DKK2: variants seen among roughly 807,000 people sequenced by gnomAD.
DKK2 encodes dickkopf Wnt signaling pathway inhibitor 2.
DKK2 carries 11 observed loss-of-function variants against 28.1 expected under a neutral mutation model. That is an observed-to-expected ratio of 0.39 (90% confidence interval 0.25 to 0.65). The LOEUF (loss-of-function observed/expected upper bound fraction) is 0.65, where lower values mean the gene tolerates loss of function less well. DKK2 is among the 30% of genes least tolerant of loss of function. The pLI is 0.47. For synonymous variants in DKK2, 135 were observed against 126.5 expected (o/e 1.07, Z -0.45); for missense variants, 326 against 335.5 (o/e 0.97, Z 0.22).
intron 1 of DKK2, among the ~76,000 whole-genome samples, chr4:106,956,909 A>C (rs1722602393): frequency 6.6e-6 from 1 of 151,180 alleles, no homozygotes; most frequent in African/African-American, 2.4e-5. Context: ...AATGGGATCT[A>C]ATTAAACTAA....
At chr4:106,964,612 A>C (rs1722740852) in intron 1 of DKK2, among the ~76,000 whole-genome samples, 1 of 152,186 alleles carries the variant, frequency 6.6e-6, no homozygotes, top group Admixed American at 6.6e-5. Flanking sequence ...TCAAAATATC[A>C]CATGTGCCCT....
In DKK2 at chr4:106,925,883, A is replaced by G; in HGVS notation, c.289T>C (p.Ser97Pro). The G allele has an allele frequency of 6.2e-7, 1 of 1,613,726 alleles. No individual in the cohort carries two copies. Among genetic ancestry groups the G allele is most frequent in the Non-Finnish European group, 8.5e-7 (1 of 1,179,872 alleles). Residue 97 changes from serine (S) to proline (P), a missense_variant, in exon 2 of 4, where the codon TCA becomes CCA. Transcript: ENST00000285311. ...GRYCHSPHQGSSACMVCRRKK... is the reference protein window; with the variant it reads ...GRYCHSPHQGPSACMVCRRKK... ...CTCCGACACACCATGCAGGCCGATG[A>G]TCCTTGGTGGGGACTGTGGCAATAC...
intron 1 of DKK2, among the ~76,000 whole-genome samples, chr4:106,960,152 A>T (rs1158555104): frequency 6.7e-6 from 1 of 150,096 alleles, no homozygotes; most frequent in Admixed American, 6.7e-5. Context: ...ATATATATAC[A>T]TATATACACA....
In DKK2 at chr4:107,035,605, G is replaced by T. The variant is rs956603017; in HGVS notation, c.-14C>A. The T allele has an allele frequency of 3.5e-5, 56 of 1,612,974 alleles. No individual in the cohort carries two copies. Among genetic ancestry groups the T allele is most frequent in the Non-Finnish European group, 4.3e-5 (51 of 1,179,832 alleles). On this transcript the variant is annotated 5_prime_UTR_variant, in exon 1 of 4. Transcript: ENST00000285311. ...CAACGCGGCCATCTCCCGGCGAGGG[G>T]GTCCCCAGGAAGACGCAAAGCCCGG...
intron 1 of DKK2, among the ~76,000 whole-genome samples, chr4:107,013,629 G>A (rs1433362111): frequency 2.0e-5 from 3 of 151,226 alleles, no homozygotes; most frequent in Non-Finnish European, 4.4e-5. Context: ...CATTGGCCTG[G>A]GCAATAAATT....
At chr4:106,948,143 G>T (rs1258242347) in intron 1 of DKK2, among the ~76,000 whole-genome samples, 1 of 152,058 alleles carries the variant, frequency 6.6e-6, no homozygotes, top group Non-Finnish European at 1.5e-5. Context: ...CAAATGTTAT[G>T]CAGGTAGTAA....
At chr4:106,925,690 G>T in intron 2 of DKK2, 109 bp downstream of exon 2, 1 of 1,400,248 alleles carries the variant, frequency 7.1e-7, no homozygotes, top group Non-Finnish European at 9.6e-7. Context: ...GTTCTACCAG[G>T]CTTCTTATAT....
At chr4:107,025,579 G>C (rs996079183) in intron 1 of DKK2, among the ~76,000 whole-genome samples, 12 of 152,142 alleles carry the variant, frequency 7.9e-5, no homozygotes, top group African/African-American at 2.9e-4. Context: ...AGGACAAGCA[G>C]CCTGCATTCT....
At chr4:106,959,793 C>A (rs968931851) in intron 1 of DKK2, among the ~76,000 whole-genome samples, 5 of 152,014 alleles carry the variant, frequency 3.3e-5, no homozygotes, top group African/African-American at 9.7e-5. Context: ...AACCTAGTTG[C>A]CTTTCCTCCC....
intron 1 of DKK2, among the ~76,000 whole-genome samples, chr4:107,028,808 G>A (rs1415353346): frequency 6.6e-6 from 1 of 152,198 alleles, no homozygotes; most frequent in Non-Finnish European, 1.5e-5. Context: ...AACAAACAAA[G>A]CCATTGCAGA....
intron 1 of DKK2, among the ~76,000 whole-genome samples, chr4:106,956,700 T>C (rs1238644940): frequency 6.6e-6 from 1 of 152,090 alleles, no homozygotes; most frequent in Non-Finnish European, 1.5e-5. Flanking sequence ...GCTAGCCATA[T>C]GTAGAAAGCT....
chr4:107,013,063 C>A (rs1723538069), intron 1 of DKK2, among the ~76,000 whole-genome samples: 1 of 151,010 alleles, frequency 6.6e-6, no homozygotes, highest in Admixed American at 6.6e-5. Context: ...AGTGTAGCTC[C>A]CCTATCCCAA....
In DKK2 at chr4:106,923,785, TA is replaced by T; in HGVS notation, c.*168del. The stretch of plus-strand genomic sequence containing the variant: ...GCTGCACTGCATTTGTCACCCATTC[TA>T]ATCTATTCAGTTCATGTTTTCTTTC... On this transcript the variant is annotated 3_prime_UTR_variant, in exon 4 of 4. Transcript: ENST00000285311. 2.2e-6 allele frequency: 2 copies of T among 894,636 alleles called. No homozygotes were observed. The highest frequency in any genetic ancestry group is 3.3e-6 in the Non-Finnish European group (2 of 605,604). 55.4% of individuals were successfully genotyped at this position (894,636 alleles called of 1,614,324 possible).
intron 1 of DKK2, among the ~76,000 whole-genome samples, chr4:106,955,354 A>G (rs1416176218): frequency 6.6e-6 from 1 of 152,166 alleles, no homozygotes; most frequent in African/African-American, 2.4e-5. Context: ...TCTGAAAATA[A>G]TGTAATGTAA....
chr4:106,997,105 T>C (rs1723283429), intron 1 of DKK2, among the ~76,000 whole-genome samples: 1 of 152,124 alleles, frequency 6.6e-6, no homozygotes, highest in Non-Finnish European at 1.5e-5. Flanking sequence ...TTTAGAAATT[T>C]TTACCTCATG....
chr4:107,004,256 G>T (rs905503295), intron 1 of DKK2, among the ~76,000 whole-genome samples: 1 of 152,144 alleles, frequency 6.6e-6, no homozygotes, highest in Non-Finnish European at 1.5e-5. Flanking sequence ...CAAGTGTTTA[G>T]AGATATGGAT....
At chr4:106,955,067 T>C (rs1560579192) in intron 1 of DKK2, among the ~76,000 whole-genome samples, 1 of 152,174 alleles carries the variant, frequency 6.6e-6, no homozygotes, top group Non-Finnish European at 1.5e-5. Context: ...GTCTTCTCAA[T>C]GGGAATTTGA....
chr4:106,966,003 C>T lies in DKK2; in HGVS notation c.223-40054G>A, dbSNP rs572722484. 2.0e-5 allele frequency among the ~76,000 whole-genome samples: 3 copies of T among 151,914 alleles called. No individual in the cohort carries two copies. The East Asian group carries it at 5.8e-4, about 29-fold the overall frequency. ...CTTAATCCAGTCTATCATTGTTGGA[C>T]ATTTGGGTTGGTTCCAAGTCTTTGC... On this transcript the variant is annotated intron_variant, in intron 1 of 3. Coordinates refer to ENST00000285311, the MANE Select transcript of DKK2 (RefSeq NM_014421.3).
At chr4:106,964,715 C>T (rs964049903) in intron 1 of DKK2, among the ~76,000 whole-genome samples, 2 of 151,986 alleles carry the variant, frequency 1.3e-5, no homozygotes, top group African/African-American at 4.8e-5. Context: ...AAGGAGATTA[C>T]CCTGGATAAT....
Sources: gnomAD v4.1 joint callset for allele counts (sites outside exome capture counted in the v4.1 genomes callset) on GRCh38, gnomAD v4.1.1 for gene constraint, MANE v1.5 for transcripts, NCBI Gene and HGNC (gene_info 2026-07-23, HGNC 2026-07-21) for gene names.